The following C12orf42 variants were observed in gnomAD, a reference collection of about 807,000 sequenced individuals.
C12orf42 encodes chromosome 12 open reading frame 42.
C12orf42 carries 25 observed loss-of-function variants against 21.6 expected under a neutral mutation model. That is an observed-to-expected ratio of 1.16 (90% confidence interval 0.84 to 1.62). C12orf42 has a LOEUF of 1.62. Ranked by LOEUF, C12orf42 falls within the 40% of genes most tolerant of loss-of-function variation. The pLI is 0.00. For missense variants in C12orf42, 483 were observed against 459.3 expected (o/e 1.05, Z -0.47); for synonymous variants, 174 against 175.0 (o/e 0.99, Z 0.05).
intron 5 of C12orf42, among the ~76,000 whole-genome samples, chr12:103,270,490 T>C (rs2035401352): frequency 6.6e-6 from 1 of 151,952 alleles, no homozygotes; most frequent in Admixed American, 6.6e-5. Context: ...ATTTTTATTA[T>C]TGATTTTTTT....
intron 10 of C12orf42, among the ~76,000 whole-genome samples, chr12:103,239,371 T>TC (rs1416809982): frequency 6.6e-6 from 1 of 152,124 alleles, no homozygotes; most frequent in Non-Finnish European, 1.5e-5. Flanking sequence ...CTTATTTTTC[T>TC]CCCATGTCTC....
At chr12:103,440,671 T>C (rs1386388857) in intron 2 of C12orf42, among the ~76,000 whole-genome samples, 3 of 152,120 alleles carry the variant, frequency 2.0e-5, no homozygotes, top group South Asian at 4.1e-4. Flanking sequence ...AACTCAAAGA[T>C]GTTATGTGAT....
downstream of C12orf42, among the ~76,000 whole-genome samples, chr12:103,298,017 T>C: frequency 6.6e-6 from 1 of 151,770 alleles, no homozygotes; most frequent in East Asian, 1.9e-4. Flanking sequence ...GGGCAAAAAC[T>C]GGAAGCATTC....
chr12:103,488,784 T>C (rs984455805), intron 1 of C12orf42, among the ~76,000 whole-genome samples: 1 of 152,248 alleles, frequency 6.6e-6, no homozygotes, highest in Non-Finnish European at 1.5e-5. Context: ...TTTCATGCCA[T>C]GGTTTTCAGC....
At chr12:103,396,452 A>G (rs1449712777) in intron 3 of C12orf42, 1 of 152,234 alleles carries the variant, frequency 6.6e-6, no homozygotes, top group Non-Finnish European at 1.5e-5. Context: ...TCTTTATAGC[A>G]GTGTAGAAAT....
At chr12:103,504,381 G>A in the C12orf42 span, 1 of 164,712 alleles carries the variant, frequency 6.1e-6, no homozygotes, top group Non-Finnish European at 1.3e-5. Flanking sequence ...CCAAGATTGA[G>A]GGCAAGTTCT....
chr12:103,522,299 A>G, the C12orf42 span, among the ~76,000 whole-genome samples: 1 of 152,090 alleles, frequency 6.6e-6, no homozygotes, highest in African/African-American at 2.4e-5. Flanking sequence ...CATGATTGTG[A>G]GGTCTCCCCA....
chr12:103,181,302 TG>T, the C12orf42 span, among the ~76,000 whole-genome samples: 1 of 150,832 alleles, frequency 6.6e-6, no homozygotes, highest in Non-Finnish European at 1.5e-5. Context: ...AAATAAAAAA[TG>T]AAAAAAATTC....
At chr12:103,378,055 G>C (rs1198381540) in intron 3 of C12orf42, among the ~76,000 whole-genome samples, 2 of 152,072 alleles carry the variant, frequency 1.3e-5, no homozygotes, top group Admixed American at 1.3e-4. Context: ...GGGGTAAATG[G>C]AAGAAGCTAC....
chr12:103,079,230 A>C, the C12orf42 span, among the ~76,000 whole-genome samples: 1 of 152,174 alleles, frequency 6.6e-6, no homozygotes, highest in Non-Finnish European at 1.5e-5. Flanking sequence ...CAAATGGACA[A>C]AACAGTATGG....
chr12:103,101,309 A>C, the C12orf42 span, among the ~76,000 whole-genome samples: 1 of 152,232 alleles, frequency 6.6e-6, no homozygotes, highest in South Asian at 2.1e-4. Flanking sequence ...CAAACATTTC[A>C]TTCTGAGAGG....
At chr12:103,274,078 A>G (rs2035624845) in intron 5 of C12orf42, among the ~76,000 whole-genome samples, 1 of 152,102 alleles carries the variant, frequency 6.6e-6, no homozygotes, top group Non-Finnish European at 1.5e-5. Flanking sequence ...AGGGACAGAA[A>G]CCCCTCTAAG....
the C12orf42 span, among the ~76,000 whole-genome samples, chr12:103,546,448 G>A: frequency 6.6e-6 from 1 of 152,116 alleles, no homozygotes; most frequent in Non-Finnish European, 1.5e-5. Context: ...TTGCTTTTAT[G>A]TTGTGTGTAA....
At chr12:103,277,197 TC>T (rs1489427770) in exon 5 of C12orf42, 1 of 451,330 alleles carries the variant, frequency 2.2e-6, no homozygotes, top group East Asian at 7.1e-5. Flanking sequence ...GTGTGGCCTG[TC>T]CATGGTGACT....
chr12:103,497,823 A>G (rs1013743004), upstream of C12orf42, among the ~76,000 whole-genome samples: 3 of 152,174 alleles, frequency 2.0e-5, no homozygotes, highest in Non-Finnish European at 4.4e-5. Context: ...CTAGGTCTGG[A>G]GATCGATACC....
At chr12:103,333,119 C>T (rs758859114) in intron 4 of C12orf42, among the ~76,000 whole-genome samples, 3 of 152,196 alleles carry the variant, frequency 2.0e-5, no homozygotes, top group Non-Finnish European at 4.4e-5. Context: ...GCAGGTTCTA[C>T]ATCTCATTAC....
chr12:103,558,906 C>T, the C12orf42 span: 9 of 152,302 alleles, frequency 5.9e-5, 1 homozygote, highest in Admixed American at 3.3e-4. Flanking sequence ...TTTTGGCCTA[C>T]TTAGGGATGG....
chr12:103,525,888 C>T, the C12orf42 span, among the ~76,000 whole-genome samples: 4 of 152,052 alleles, frequency 2.6e-5, no homozygotes, highest in African/African-American at 9.7e-5. Context: ...ATTAGCTGGG[C>T]GTGGTGGTGG....
intron 5 of C12orf42, among the ~76,000 whole-genome samples, chr12:103,276,577 G>A (rs988404883): frequency 6.6e-6 from 1 of 152,210 alleles, no homozygotes; most frequent in Non-Finnish European, 1.5e-5. Flanking sequence ...CGAGGTATCA[G>A]CTAGGGGTTG....
Sources: allele counts gnomAD v4.1 joint callset (sites outside exome capture counted in the v4.1 genomes callset), GRCh38; gene constraint gnomAD v4.1.1; transcripts MANE v1.5; gene names NCBI Gene and HGNC (gene_info 2026-07-23, HGNC 2026-07-21).